Variants in RFX2 observed in about 807,000 individuals in gnomAD.
RFX2 encodes the protein regulatory factor X2.
RFX2 carries 20 observed loss-of-function variants against 87.8 expected under a neutral mutation model. That is an observed-to-expected ratio of 0.23 (90% confidence interval 0.16 to 0.33). The LOEUF (loss-of-function observed/expected upper bound fraction) is 0.33. RFX2 is among the 10% of genes least tolerant of loss of function. The pLI is 1.00. For synonymous variants in RFX2, 397 were observed against 431.3 expected, an observed-to-expected ratio of 0.92 and a Z score of 0.98; for missense variants, 767 against 1,012.3, an observed-to-expected ratio of 0.76 and a Z score of 3.29.
At position 6,040,119 on chromosome 19, in the gene RFX2, G is replaced by A. The variant is rs776971719; in HGVS notation, c.383C>T (p.Pro128Leu). Residue 128 changes from proline (P) to leucine (L), a missense_variant, in exon 5 of 18, where the codon CCC becomes CTC. Physicochemically the swap from Pro to Leu is moderately conservative, Grantham distance 98. Coordinates refer to ENST00000303657, the MANE Select transcript of RFX2 (RefSeq NM_000635.4). This position sits in a 1 kb window ranked among gnomAD's most constrained non-coding sequence, Gnocchi z 6.1. Reference protein sequence around the residue: ...TVAASSPPAVPSHSMVGITMD... With the variant: ...TVAASSPPAVLSHSMVGITMD... The stretch of plus-strand genomic sequence containing the variant: ...GGTGATGCCCACCATGCTGTGGGAG[G>A]GGACCGCTGGCGGGGACGAGGCTGC... 4.3e-6 allele frequency: 7 copies of A among 1,610,886 alleles called. No homozygotes were observed. The highest frequency in any genetic ancestry group is 3.3e-5 in the South Asian group (3 of 91,046).
chr19:6,076,161 G>A (rs1447501595), intron 1 of RFX2, among the ~76,000 whole-genome samples: 10 of 152,136 alleles, frequency 6.6e-5, no homozygotes, highest in African/African-American at 2.2e-4. Flanking sequence ...CCAACATGGC[G>A]AAACCCCATC....
rs1290790883 is a variant in RFX2, at chr19:6,026,342, T to A, written c.523-105A>T. The A allele has an allele frequency of 1.7e-5, 16 of 928,072 alleles. 1 individual carries two copies. Among genetic ancestry groups the A allele is most frequent in the Non-Finnish European group, 2.7e-5 (16 of 595,220 alleles). The allele number at this position is 928,072 out of a possible 1,614,324, so 57.5% of individuals were successfully genotyped here. Reference sequence around the variant, plus strand: ...AGATTTGTTTTTATTAATATCCAAATAATGATTCGAGCTCCTACAAAATAA... The same window carrying A: ...AGATTTGTTTTTATTAATATCCAAAAAATGATTCGAGCTCCTACAAAATAA... On this transcript the variant is annotated intron_variant, in intron 5 of 17. Coordinates refer to ENST00000303657, the MANE Select transcript of RFX2 (RefSeq NM_000635.4). The surrounding 1 kb of genome is among the most constrained non-coding windows in gnomAD (Gnocchi z 4.5).
At position 6,041,930 on chromosome 19, in the gene RFX2, G is replaced by A. The variant is rs780542328; in HGVS notation, c.260+114C>T. ...CCTAATAGCATTTTAACAGTATTTAGTGAACACATCGCCAAAAGCATAAGG... is the reference window on the plus strand; with the variant it reads ...CCTAATAGCATTTTAACAGTATTTAATGAACACATCGCCAAAAGCATAAGG... On this transcript the variant is annotated intron_variant, in intron 4 of 17. Coordinates refer to ENST00000303657, the MANE Select transcript of RFX2 (RefSeq NM_000635.4). The A allele has an allele frequency of 7.4e-5, 61 of 828,516 alleles. 2 individuals are homozygous for A. The East Asian group carries it at 1.1e-3, about 16-fold the overall frequency. The allele number at this position is 828,516 out of a possible 1,614,324, so 51.3% of individuals were successfully genotyped here. A position where few individuals can be genotyped will look rare whatever the true frequency, so the allele number is the denominator to read the frequency against.
chr19:6,006,985 C>T lies in RFX2; in HGVS notation c.1402+27G>A, dbSNP rs138198510. 2.3e-3 allele frequency: 3,709 copies of T among 1,611,168 alleles called. 7 individuals are homozygous for T. The highest frequency in any genetic ancestry group is 2.7e-3 in the Non-Finnish European group (3,235 of 1,178,308). ...GAGGCAGGAAGAGAGGATGGAGCAG[C>T]GCCGGGCGGGGCCGTGGGTCACTTA... On this transcript the variant is annotated intron_variant, in intron 12 of 17. Transcript: ENST00000303657.
rs2086433166 is a variant in RFX2, at chr19:5,997,643, CG to C, written c.1860-431del. Among the ~76,000 whole-genome samples the C allele has an allele frequency of 6.6e-6, 1 of 152,172 alleles. No homozygotes were observed. Among genetic ancestry groups the C allele is most frequent in the East Asian group, 1.9e-4 (1 of 5,190 alleles). ...AGGAGGCGCCTTTCCCCACCTTCCCCGTATCCTTGCCACCTCCCGCCATTCC... is the reference window on the plus strand; with the variant it reads ...AGGAGGCGCCTTTCCCCACCTTCCCCTATCCTTGCCACCTCCCGCCATTCC... On this transcript the variant is annotated intron_variant, in intron 15 of 17. Coordinates refer to ENST00000303657, the MANE Select transcript of RFX2 (RefSeq NM_000635.4). The surrounding 1 kb of genome is among the most constrained non-coding windows in gnomAD (Gnocchi z 4.2).
chr19:6,033,263 C>G (rs959365535), intron 5 of RFX2, among the ~76,000 whole-genome samples: 1 of 152,166 alleles, frequency 6.6e-6, no homozygotes, highest in African/African-American at 2.4e-5. Context: ...AGGACCCAAT[C>G]TGGGATCACA....
chr19:6,008,959 C>T (rs753479992), intron 9 of RFX2, among the ~76,000 whole-genome samples: 10 of 152,262 alleles, frequency 6.6e-5, no homozygotes, highest in Non-Finnish European at 1.3e-4. Context: ...GGATGGCAGG[C>T]GTGAGCCACC....
At chr19:5,995,308 G>T (rs927518329) in intron 17 of RFX2, among the ~76,000 whole-genome samples, 3 of 152,162 alleles carry the variant, frequency 2.0e-5, no homozygotes, top group African/African-American at 7.2e-5. Context: ...CCACTCTCCT[G>T]CTGGGCGTGG....
intron 17 of RFX2, 85 bp from the exon 18 acceptor site, chr19:5,995,035 C>T (rs542795087): frequency 1.0e-4 from 110 of 1,079,752 alleles, no homozygotes; most frequent in Admixed American, 6.6e-4. Flanking sequence ...AGAACTGCTC[C>T]GGCACGCCAG....
At chr19:6,106,816 TTTA>T (rs755846710) in intron 1 of RFX2, among the ~76,000 whole-genome samples, 68 of 148,060 alleles carry the variant, frequency 4.6e-4, no homozygotes, top group Admixed American at 2.4e-3. Context: ...ATATTTAAAT[TTTA>T]TTATATTTAA....
chr19:6,100,061 G>A (rs2088094749), intron 1 of RFX2, among the ~76,000 whole-genome samples: 1 of 152,174 alleles, frequency 6.6e-6, no homozygotes, highest in South Asian at 2.1e-4. Flanking sequence ...TTCCAACTTA[G>A]CTCCTCAATG....
intron 1 of RFX2, among the ~76,000 whole-genome samples, chr19:6,098,965 CAAAAAAAAAAAAAAA>C (rs34110529): frequency 0.025 from 1,300 of 52,828 alleles, 19 homozygotes; most frequent in Middle Eastern, 0.24. Flanking sequence ...GCTTGAACCA[CAAAAAAAAAAAAAAA>C]AAAAAAAAAA....
Position 5,997,814 on chromosome 19 carries a change from T to C in RFX2, c.1860-601A>G, listed in dbSNP as rs1949741716. Among the ~76,000 whole-genome samples, 1 of 152,238 alleles carries C rather than the reference T, an allele frequency of 6.6e-6. No individual in the cohort carries two copies. Among genetic ancestry groups the C allele is most frequent in the Non-Finnish European group, 1.5e-5 (1 of 68,038 alleles). ...GCCTGTGTGCTGACAATGCTTTACATTTTGAAATGGTTGGAAAAAGTCAAA... is the reference window on the plus strand; with the variant it reads ...GCCTGTGTGCTGACAATGCTTTACACTTTGAAATGGTTGGAAAAAGTCAAA... On this transcript the variant is annotated intron_variant, in intron 15 of 17. Coordinates refer to ENST00000303657, the MANE Select transcript of RFX2 (RefSeq NM_000635.4). This position sits in a 1 kb window ranked among gnomAD's most constrained non-coding sequence, Gnocchi z 4.2.
At position 6,096,652 on chromosome 19, in the gene RFX2, T is replaced by C. The variant is rs10407666; in HGVS notation, c.-9+13741A>G. Among the ~76,000 whole-genome samples, 304 of 152,346 alleles carry C rather than the reference T, an allele frequency of 2.0e-3. 2 individuals are homozygous for C. The highest frequency in any genetic ancestry group is 6.5e-3 in the African/African-American group (271 of 41,580). Reference sequence around the variant, plus strand: ...TAGTAGAGACGGGGTTTCACCATGTTAGCCAGGATGGTCTCGATCTCCTGA... The same window carrying C: ...TAGTAGAGACGGGGTTTCACCATGTCAGCCAGGATGGTCTCGATCTCCTGA... On this transcript the variant is annotated intron_variant, in intron 1 of 17. Transcript: ENST00000303657.
In RFX2 at chr19:6,026,110, A is replaced by G. The variant is rs557194946; in HGVS notation, c.597+53T>C. 1.4e-5 allele frequency: 20 copies of G among 1,462,706 alleles called. No homozygotes were observed. Among genetic ancestry groups the G allele is most frequent in the African/African-American group, 7.0e-5 (5 of 71,426 alleles). The allele number at this position is 1,462,706 out of a possible 1,614,324, so 90.6% of individuals were successfully genotyped here. ...GCCTTCATTTGTCTTAAAAATGTCT[A>G]TGCAGGTTACAAGCAGAGCAGGGAC... On this transcript the variant is annotated intron_variant, in intron 6 of 17. Coordinates refer to ENST00000303657, the MANE Select transcript of RFX2 (RefSeq NM_000635.4). This position sits in a 1 kb window ranked among gnomAD's most constrained non-coding sequence, Gnocchi z 4.5.
chr19:6,081,627 G>A (rs987376806), intron 1 of RFX2, among the ~76,000 whole-genome samples: 13 of 152,192 alleles, frequency 8.5e-5, no homozygotes, highest in Non-Finnish European at 1.6e-4. Context: ...TAATTTGAGT[G>A]TACACTCACT....
intron 5 of RFX2, among the ~76,000 whole-genome samples, chr19:6,029,668 A>G (rs970088096): frequency 2.6e-5 from 4 of 152,198 alleles, no homozygotes; most frequent in Admixed American, 2.0e-4. Flanking sequence ...AGATCACGCC[A>G]CTGCACTCCA....
rs2086798088 is a variant in RFX2, at chr19:6,020,577, G to A, written c.598-4306C>T. 6.6e-6 allele frequency among the ~76,000 whole-genome samples: 1 copy of A among 152,178 alleles called. No individual in the cohort carries two copies. The highest frequency in any genetic ancestry group is 2.4e-5 in the African/African-American group (1 of 41,440). On this transcript the variant is annotated intron_variant, in intron 6 of 17. Coordinates refer to ENST00000303657, the MANE Select transcript of RFX2 (RefSeq NM_000635.4). The surrounding 1 kb of genome is among the most constrained non-coding windows in gnomAD (Gnocchi z 5.3). ...CCGGGCCTTCCCATCCCTCGGTGCT[G>A]GAGCCCACACCTGGCGGCACGTCAG...
chr19:6,058,597 G>T (rs1027363851), intron 1 of RFX2, among the ~76,000 whole-genome samples: 1 of 148,724 alleles, frequency 6.7e-6, no homozygotes, highest in African/African-American at 2.6e-5. Flanking sequence ...CCTCACTTTT[G>T]GGTTTTTTTT....
Sources: gnomAD v4.1 joint callset for allele counts (sites outside exome capture counted in the v4.1 genomes callset) on GRCh38, gnomAD v4.1.1 for gene constraint, Gnocchi (gnomAD v3.1) non-coding constraint, MANE v1.5 for transcripts, NCBI Gene and HGNC (gene_info 2026-07-23, HGNC 2026-07-21) for gene names.